PACSIN2: variants seen among roughly 807,000 people sequenced by gnomAD.
PACSIN2 encodes the protein protein kinase C and casein kinase substrate in neurons protein 2.
In PACSIN2, 25 loss-of-function variants were observed where a neutral mutation model predicts 63.8. The ratio of observed to expected loss-of-function variants is 0.39; its 90% CI spans 0.29 to 0.55. PACSIN2 has a LOEUF of 0.55. Ranked by LOEUF, PACSIN2 falls within the 20% of genes least tolerant of loss-of-function variation. The probability of loss-of-function intolerance (pLI) is 0.62; values close to 1 mark genes in which losing one functional copy is unlikely to be tolerated. For missense variants in PACSIN2, 518 were observed against 646.9 expected (o/e 0.80, Z 2.16); for synonymous variants, 255 against 256.2 (o/e 1.00, Z 0.05).
At chr22:42,925,756 A>G (rs900663951) in intron 1 of PACSIN2, among the ~76,000 whole-genome samples, 1 of 152,206 alleles carries the variant, frequency 6.6e-6, no homozygotes, top group Admixed American at 6.5e-5. Flanking sequence ...GTTAATCTAA[A>G]CCACACATGG....
chr22:42,922,508 G>A (rs1192820458), intron 1 of PACSIN2, among the ~76,000 whole-genome samples: 2 of 152,224 alleles, frequency 1.3e-5, no homozygotes, highest in African/African-American at 4.8e-5. Context: ...GGTAGGCAGA[G>A]GTGGACATCC....
chr22:42,945,430 CT>C (rs1933374040), intron 1 of PACSIN2, among the ~76,000 whole-genome samples: 1 of 152,170 alleles, frequency 6.6e-6, no homozygotes, highest in Non-Finnish European at 1.5e-5. Context: ...CTCAAGCCCC[CT>C]GATCTGCTGT....
chr22:42,951,937 C>T (rs1396784642), intron 1 of PACSIN2, among the ~76,000 whole-genome samples: 1 of 152,194 alleles, frequency 6.6e-6, no homozygotes, highest in Admixed American at 6.5e-5. Context: ...TTGCACCTGC[C>T]TCCCCTCTGC....
chr22:42,927,083 T>C (rs1932585686), intron 1 of PACSIN2, among the ~76,000 whole-genome samples: 2 of 152,196 alleles, frequency 1.3e-5, no homozygotes, highest in Non-Finnish European at 1.5e-5. Flanking sequence ...GGGCTCCTCA[T>C]GGCCAGTTCT....
intron 6 of PACSIN2, among the ~76,000 whole-genome samples, chr22:42,884,014 A>AAAAG (rs1929280060): frequency 6.6e-6 from 1 of 151,866 alleles, no homozygotes; most frequent in African/African-American, 2.4e-5. Context: ...TCAAAAAAAA[A>AAAAG]AAAAGAAAAG....
chr22:43,013,657 C>T (rs993429571), intron 1 of PACSIN2, among the ~76,000 whole-genome samples: 9 of 152,190 alleles, frequency 5.9e-5, no homozygotes, highest in Non-Finnish European at 1.2e-4. Flanking sequence ...AGGGTTAAAA[C>T]AGAACTTCAG....
chr22:42,941,806 T>C (rs1042901335), intron 1 of PACSIN2, among the ~76,000 whole-genome samples: 1 of 152,224 alleles, frequency 6.6e-6, no homozygotes, highest in Non-Finnish European at 1.5e-5. Flanking sequence ...TCTCACTCTG[T>C]CACTCTGTCA....
chr22:42,891,033 G>C lies in PACSIN2; in HGVS notation c.367C>G (p.Gln123Glu), dbSNP rs1253202673. ...KNWQKEAFHK[Q>E]MMGGFKETKE... ...GTCTCCTTGAAGCCGCCCATCATCT[G>C]CTTGTGAAAGGCTTCCTTCTGCCAG... The change falls in exon 4 of 11, where the codon CAG (glutamine) becomes GAG (glutamate). Residue 123 changes from glutamine to glutamate, a missense_variant. Physicochemically the swap from Gln to Glu is conservative, Grantham distance 29. Transcript: ENST00000263246. The C allele has an allele frequency of 2.5e-6, 4 of 1,614,000 alleles. No individual in the cohort carries two copies. The highest frequency in any genetic ancestry group is 3.4e-6 in the Non-Finnish European group (4 of 1,180,032).
intron 1 of PACSIN2, among the ~76,000 whole-genome samples, chr22:42,945,595 A>G (rs1017889394): frequency 1.3e-5 from 2 of 152,138 alleles, no homozygotes; most frequent in Non-Finnish European, 2.9e-5. Context: ...TTCTCAAGCC[A>G]GAAACTCCTC....
chr22:43,007,171 T>C (rs928094174), intron 1 of PACSIN2, among the ~76,000 whole-genome samples: 2 of 151,792 alleles, frequency 1.3e-5, no homozygotes, highest in Admixed American at 1.3e-4. Flanking sequence ...GGTCATAACC[T>C]GGAGCCTTCC....
intron 1 of PACSIN2, among the ~76,000 whole-genome samples, chr22:42,984,398 C>T (rs900194956): frequency 6.6e-6 from 1 of 152,154 alleles, no homozygotes; most frequent in African/African-American, 2.4e-5. Flanking sequence ...ATTTCCCACC[C>T]GGAAGAAATG....
chr22:42,931,569 G>A (rs1323823390), intron 1 of PACSIN2, among the ~76,000 whole-genome samples: 1 of 152,182 alleles, frequency 6.6e-6, no homozygotes, highest in African/African-American at 2.4e-5. Flanking sequence ...CCACAAAGCC[G>A]ATGGCTGCCC....
chr22:43,014,377 C>CG (rs1344377133), intron 1 of PACSIN2, among the ~76,000 whole-genome samples: 200 of 19,128 alleles, frequency 0.01, 1 homozygote, highest in Admixed American at 0.072. Context: ...ACCCCCCCCC[C>CG]CCCGGGACAC....
chr22:42,895,992 G>T (rs1228266881), intron 2 of PACSIN2, among the ~76,000 whole-genome samples: 1 of 152,242 alleles, frequency 6.6e-6, no homozygotes, highest in Non-Finnish European at 1.5e-5. Flanking sequence ...CGTCCCAGGA[G>T]CAGAGCTACT....
At chr22:42,899,589 C>T (rs1349004790) in intron 2 of PACSIN2, among the ~76,000 whole-genome samples, 1 of 152,152 alleles carries the variant, frequency 6.6e-6, no homozygotes, top group Non-Finnish European at 1.5e-5. Context: ...ACTGGATATA[C>T]TGGTGGAAAC....
intron 1 of PACSIN2, among the ~76,000 whole-genome samples, chr22:42,997,451 G>A (rs1238018342): frequency 2.6e-5 from 4 of 151,848 alleles, no homozygotes; most frequent in Non-Finnish European, 4.4e-5. Flanking sequence ...CCAGCTACCT[G>A]GGAGGCTGAG....
intron 2 of PACSIN2, among the ~76,000 whole-genome samples, chr22:42,906,048 G>C (rs1267837729): frequency 6.6e-6 from 1 of 152,296 alleles, no homozygotes; most frequent in Non-Finnish European, 1.5e-5. Context: ...CTAGGGGACA[G>C]TGGCCATGGA....
At chr22:42,977,082 A>G (rs1396364350) in intron 1 of PACSIN2, among the ~76,000 whole-genome samples, 3 of 152,264 alleles carry the variant, frequency 2.0e-5, no homozygotes, top group African/African-American at 7.2e-5. Flanking sequence ...ATAAACATAT[A>G]TATGCATTAA....
At chr22:42,881,670 A>G (rs994723979) in intron 7 of PACSIN2, among the ~76,000 whole-genome samples, 2 of 152,250 alleles carry the variant, frequency 1.3e-5, no homozygotes, top group Admixed American at 1.3e-4. Flanking sequence ...TTAGACCCAC[A>G]TGATGGGAAA....
Sources: allele counts gnomAD v4.1 joint callset (sites outside exome capture counted in the v4.1 genomes callset), GRCh38; gene constraint gnomAD v4.1.1; transcripts MANE v1.5; gene names NCBI Gene and HGNC (gene_info 2026-07-23, HGNC 2026-07-21).